STK33: variants seen among roughly 807,000 people sequenced by gnomAD.
The protein encoded by STK33 is serine/threonine kinase 33, also known as serine/threonine-protein kinase 33.
A neutral mutation model predicts 58.0 loss-of-function variants in STK33; 52 were observed. The ratio of observed to expected loss-of-function variants is 0.90; its 90% CI spans 0.72 to 1.13. The LOEUF is 1.13. STK33 is among the 50% of genes most tolerant of loss of function. The pLI is 0.00. For synonymous variants in STK33, 215 were observed against 200.1 expected, an observed-to-expected ratio of 1.07 and a Z score of -0.63; for missense variants, 630 against 604.2, an observed-to-expected ratio of 1.04 and a Z score of -0.45.
At chr11:8,586,052 T>C (rs2141462042) in intron 1 of STK33, among the ~76,000 whole-genome samples, 1 of 150,336 alleles carries the variant, frequency 6.7e-6, no homozygotes, top group East Asian at 2.0e-4. Flanking sequence ...AAACTCCATC[T>C]CAAAAAACAA....
chr11:8,406,512 A>G (rs1435948834), intron 15 of STK33, among the ~76,000 whole-genome samples: 2 of 152,224 alleles, frequency 1.3e-5, no homozygotes, highest in Non-Finnish European at 2.9e-5. Flanking sequence ...AACATGGTAT[A>G]TCTCTCCAAC....
chr11:8,440,702 C>A lies in STK33; in HGVS notation c.923G>T (p.Ser308Ile). 6.4e-7 allele frequency: 1 copy of A among 1,569,862 alleles called. No homozygotes were observed. The highest frequency in any genetic ancestry group is 1.3e-5 in the African/African-American group (1 of 74,298). Residue 308 changes from serine (S) to isoleucine (I), a missense_variant, in exon 12 of 16, where the codon AGC (serine) becomes ATC (isoleucine). By Grantham distance (142) the Ser-to-Ile change is moderately radical (BLOSUM62 -2). Coordinates refer to ENST00000687296, the MANE Select transcript of STK33 (RefSeq NM_001352389.2). ...HDYSQQCDIWSIGVVMYMLLR... is the reference protein window; with the variant it reads ...HDYSQQCDIWIIGVVMYMLLR... ...CAACATGTACATTACGACGCCTATG[C>A]TCCAAATGTCACACTGCTGGCTATA...
the STK33 span, among the ~76,000 whole-genome samples, chr11:8,350,703 C>T: frequency 6.6e-5 from 10 of 152,078 alleles, no homozygotes; most frequent in Non-Finnish European, 1.2e-4. Flanking sequence ...CACAGAGGAA[C>T]CTGCACCAGA....
At chr11:8,353,277 G>C in the STK33 span, among the ~76,000 whole-genome samples, 1 of 152,244 alleles carries the variant, frequency 6.6e-6, no homozygotes, top group Non-Finnish European at 1.5e-5. Flanking sequence ...GGCTAAGCCT[G>C]TGGCCACACC....
intron 10 of STK33, among the ~76,000 whole-genome samples, chr11:8,454,102 A>G (rs962595093): frequency 4.6e-5 from 7 of 152,248 alleles, no homozygotes; most frequent in African/African-American, 1.4e-4. Flanking sequence ...TAAACCAACA[A>G]TGCTGTTAAA....
intron 1 of STK33, among the ~76,000 whole-genome samples, chr11:8,513,265 A>T (rs1952488325): frequency 6.6e-6 from 1 of 152,008 alleles, no homozygotes; most frequent in Non-Finnish European, 1.5e-5. Flanking sequence ...CTCACCTAAC[A>T]TCTCACTTCT....
chr11:8,473,164 T>C lies in STK33; in HGVS notation c.338A>G (p.Glu113Gly), dbSNP rs1283953047. 2 of 1,606,446 alleles carry C rather than the reference T, an allele frequency of 1.2e-6. No homozygotes were observed. Among genetic ancestry groups the C allele is most frequent in the Non-Finnish European group, 1.7e-6 (2 of 1,174,532 alleles). The change falls in exon 6 of 16, where the codon GAG becomes GGG. Residue 113 changes from glutamate (E) to glycine (G), a missense_variant and splice_region_variant. By Grantham distance (98) the Glu-to-Gly change is moderately conservative (BLOSUM62 -2). Coordinates refer to ENST00000687296, the MANE Select transcript of STK33 (RefSeq NM_001352389.2). ...TAGCTTCATTTGCTTTCTATATACC[T>C]CAATAGCAGCTCCATTCTCAATCCT... is the stretch of plus-strand genomic sequence containing the variant. Reference protein sequence around the residue: ...HIRIENGAAIEEIYTFGRILG... With the variant: ...HIRIENGAAIGEIYTFGRILG...
the STK33 span, among the ~76,000 whole-genome samples, chr11:8,359,556 G>A: frequency 2.0e-5 from 3 of 152,234 alleles, no homozygotes; most frequent in African/African-American, 7.2e-5. Context: ...TCCGGGCAAG[G>A]CTTGCTGAGC....
the STK33 span, among the ~76,000 whole-genome samples, chr11:8,358,034 T>G: frequency 6.6e-6 from 1 of 152,202 alleles, no homozygotes; most frequent in Admixed American, 6.5e-5. Context: ...GCTCCTGGTG[T>G]CACTCAGCCT....
intron 6 of STK33, chr11:8,467,080 C>G (rs1161247664): frequency 1.3e-5 from 2 of 152,206 alleles, no homozygotes; most frequent in Non-Finnish European, 2.9e-5. Context: ...CCTCCTAGTA[C>G]TCTGGGTAAT....
rs184671092 is a variant in STK33 at position 8,544,556 on chromosome 11, C to G, written c.-466+49527G>C. Among the ~76,000 whole-genome samples, 7 of 151,550 alleles carry G rather than the reference C, an allele frequency of 4.6e-5. No homozygotes were observed. The East Asian group carries it at 1.3e-3, about 29-fold the overall frequency. On this transcript the variant is annotated intron_variant, in intron 1 of 15. Coordinates refer to ENST00000687296, the MANE Select transcript of STK33 (RefSeq NM_001352389.2). ...ATAATAATTTTGTAAGGAAAGTGAA[C>G]TATATATTCAAAGAAATAGAGCCTC... is the stretch of plus-strand genomic sequence containing the variant.
intron 1 of STK33, among the ~76,000 whole-genome samples, chr11:8,511,736 G>A (rs923974382): frequency 1.3e-5 from 2 of 151,992 alleles, no homozygotes; most frequent in Non-Finnish European, 2.9e-5. Flanking sequence ...TTCAAATGAC[G>A]ATATGATTTT....
At chr11:8,516,688 C>T (rs1323488483) in intron 1 of STK33, among the ~76,000 whole-genome samples, 1 of 152,230 alleles carries the variant, frequency 6.6e-6, no homozygotes, top group Admixed American at 6.5e-5. Flanking sequence ...AGATTATATC[C>T]CGTGCCTGGC....
chr11:8,430,120 G>A (rs1468753200), intron 14 of STK33, among the ~76,000 whole-genome samples: 2 of 151,924 alleles, frequency 1.3e-5, no homozygotes, highest in Non-Finnish European at 2.9e-5. Context: ...AAACTCTTAG[G>A]GTCTAGAACA....
At chr11:8,561,128 A>G (rs1026351004) in intron 1 of STK33, among the ~76,000 whole-genome samples, 1 of 152,180 alleles carries the variant, frequency 6.6e-6, no homozygotes, top group African/African-American at 2.4e-5. Flanking sequence ...AATAGATTCC[A>G]TATGCCCTAT....
At chr11:8,372,221 T>C in the STK33 span, among the ~76,000 whole-genome samples, 5 of 152,312 alleles carry the variant, frequency 3.3e-5, no homozygotes, top group East Asian at 5.8e-4. Flanking sequence ...GACTGCCCTA[T>C]AAGCCATGAG....
At chr11:8,337,577 G>A in the STK33 span, among the ~76,000 whole-genome samples, 1 of 150,096 alleles carries the variant, frequency 6.7e-6, no homozygotes, top group East Asian at 2.0e-4. Flanking sequence ...TTGGGACCGC[G>A]GAGCCACGGA....
intron 1 of STK33, among the ~76,000 whole-genome samples, chr11:8,544,359 A>G (rs950876539): frequency 4.7e-5 from 7 of 148,050 alleles, no homozygotes; most frequent in African/African-American, 1.7e-4. Flanking sequence ...AATTATATAT[A>G]TGTAATACAT....
intron 1 of STK33, among the ~76,000 whole-genome samples, chr11:8,548,146 G>T (rs1956072271): frequency 3.4e-5 from 5 of 148,884 alleles, no homozygotes; most frequent in Non-Finnish European, 7.4e-5. Flanking sequence ...ATGTACCCTA[G>T]AACTTAAAGT....
Sources: allele counts gnomAD v4.1 joint callset (sites outside exome capture counted in the v4.1 genomes callset), GRCh38; gene constraint gnomAD v4.1.1; transcripts MANE v1.5; gene names NCBI Gene and HGNC (gene_info 2026-07-23, HGNC 2026-07-21).